Variants in CNTN6 observed in about 807,000 individuals in gnomAD.
CNTN6 encodes contactin-6.
In CNTN6, 137 loss-of-function variants were observed where a neutral mutation model predicts 122.8. That is an observed-to-expected ratio of 1.12 (90% CI 0.97 to 1.29). The LOEUF is 1.29. CNTN6 is among the 50% of genes most tolerant of loss of function. CNTN6 has a pLI of 0.00. For synonymous variants in CNTN6, 570 were observed against 426.0 expected (o/e 1.34, Z -4.16); for missense variants, 1,634 against 1,223.4 (o/e 1.34, Z -5.01).
chr3:1,172,341 C>T (rs2093371392), intron 2 of CNTN6, among the ~76,000 whole-genome samples: 1 of 152,088 alleles, frequency 6.6e-6, no homozygotes, highest in South Asian at 2.1e-4. Context: ...TATGTAACAG[C>T]AGTGTATCAC....
At chr3:1,337,377 T>A (rs181854741) in intron 11 of CNTN6, among the ~76,000 whole-genome samples, 20 of 152,182 alleles carry the variant, frequency 1.3e-4, no homozygotes, top group Non-Finnish European at 2.1e-4. Context: ...TTATTACTGT[T>A]CCTTTTGCTT....
At chr3:1,185,916 T>C (rs2093622649) in intron 2 of CNTN6, among the ~76,000 whole-genome samples, 1 of 152,194 alleles carries the variant, frequency 6.6e-6, no homozygotes, top group Non-Finnish European at 1.5e-5. Context: ...TAGAGACAGA[T>C]GTATTCTTAA....
chr3:1,267,409 T>C (rs1280604690), intron 4 of CNTN6, among the ~76,000 whole-genome samples: 1 of 152,136 alleles, frequency 6.6e-6, no homozygotes, highest in Non-Finnish European at 1.5e-5. Context: ...TGTATATTTA[T>C]GAAATGGGAG....
intron 11 of CNTN6, 143 bp downstream of exon 11, chr3:1,330,078 T>A (rs1403919397): frequency 1.9e-6 from 1 of 521,792 alleles, no homozygotes; most frequent in South Asian, 5.9e-5. Context: ...ATTCTTCTCA[T>A]CATAGTAAAA....
At chr3:1,141,747 C>G (rs1382224422) in intron 1 of CNTN6, among the ~76,000 whole-genome samples, 2 of 152,066 alleles carry the variant, frequency 1.3e-5, no homozygotes, top group African/African-American at 4.8e-5. Context: ...CAGAATTGGA[C>G]AAGAATAATT....
intron 7 of CNTN6, among the ~76,000 whole-genome samples, chr3:1,305,505 A>C (rs970352598): frequency 6.6e-6 from 1 of 152,190 alleles, no homozygotes. Context: ...AAATACCCTG[A>C]GAAGCTCCTT....
intron 4 of CNTN6, among the ~76,000 whole-genome samples, chr3:1,259,189 C>T (rs2094806042): frequency 6.6e-6 from 1 of 152,016 alleles, no homozygotes; most frequent in Admixed American, 6.6e-5. Context: ...TCTCATTTCT[C>T]ATATTATTTA....
At chr3:1,384,764 TATATACAC>T (rs1692558097) in intron 19 of CNTN6, among the ~76,000 whole-genome samples, 2 of 119,470 alleles carry the variant, frequency 1.7e-5, no homozygotes, top group South Asian at 5.1e-4. Context: ...TATATACATA[TATATACAC>T]ATATATATAT....
chr3:1,356,150 TCAC>T (rs1706518698), intron 12 of CNTN6, among the ~76,000 whole-genome samples: 2 of 151,718 alleles, frequency 1.3e-5, no homozygotes, highest in Admixed American at 1.3e-4. Context: ...TATATGAAAA[TCAC>T]ATAAAAGGAG....
chr3:1,275,176 G>A (rs7647469), intron 4 of CNTN6, among the ~76,000 whole-genome samples: 99,506 of 151,946 alleles, frequency 0.65, 33,257 homozygotes, highest in Non-Finnish European at 0.71. Flanking sequence ...TGAATCGTCA[G>A]TCTCTTTCCT....
chr3:1,378,876 A>C (rs957228289), intron 17 of CNTN6, among the ~76,000 whole-genome samples: 9 of 152,138 alleles, frequency 5.9e-5, no homozygotes, highest in Non-Finnish European at 2.9e-5. Flanking sequence ...GAGTATATCT[A>C]CCTTAAGTAG....
chr3:1,250,285 AG>A (rs2094643413), intron 4 of CNTN6, among the ~76,000 whole-genome samples: 1 of 152,218 alleles, frequency 6.6e-6, no homozygotes, highest in African/African-American at 2.4e-5. Context: ...GGCATTTCAA[AG>A]CATGTCCCAG....
chr3:1,378,344 T>A (rs1197717267), intron 17 of CNTN6, among the ~76,000 whole-genome samples: 1 of 152,188 alleles, frequency 6.6e-6, no homozygotes, highest in African/African-American at 2.4e-5. Flanking sequence ...GCAAACCAGG[T>A]GTTTCTTGCT....
intron 12 of CNTN6, among the ~76,000 whole-genome samples, chr3:1,366,306 G>A (rs939023666): frequency 6.6e-6 from 1 of 152,122 alleles, no homozygotes; most frequent in Non-Finnish European, 1.5e-5. Context: ...ATAGAGTCTA[G>A]CGTAGTCAAC....
chr3:1,269,656 A>C (rs1575494357), intron 4 of CNTN6, among the ~76,000 whole-genome samples: 1 of 152,232 alleles, frequency 6.6e-6, no homozygotes, highest in East Asian at 1.9e-4. Flanking sequence ...ATATTATCAT[A>C]GACCAATTAC....
At chr3:1,107,217 A>G (rs2091268244) in intron 1 of CNTN6, among the ~76,000 whole-genome samples, 1 of 152,136 alleles carries the variant, frequency 6.6e-6, no homozygotes, top group Non-Finnish European at 1.5e-5. Flanking sequence ...CTAGTAAGAG[A>G]AATTCAGTTG....
In CNTN6 at chr3:1,385,772, A is replaced by T. The variant is rs748249382; in HGVS notation, c.2679A>T (p.Pro893=). The change falls in exon 20 of 23, where the codon CCA becomes CCT. Residue 893 remains proline (P), a synonymous_variant. Coordinates refer to ENST00000446702, the MANE Select transcript of CNTN6 (RefSeq NM_001289080.2). The part of the protein sequence containing the change: ...NTAGTGPSSP[P]VNVTTKKSPP... ...CTGGGACAGGGCCCTCAAGCCCCCC[A>T]GTCAATGTTACCACCAAAAAGTCTC... The T allele has an allele frequency of 6.2e-7, 1 of 1,611,338 alleles. No homozygotes were observed.
intron 2 of CNTN6, among the ~76,000 whole-genome samples, chr3:1,187,692 C>T (rs765480728): frequency 2.0e-5 from 3 of 152,156 alleles, no homozygotes; most frequent in African/African-American, 4.8e-5. Flanking sequence ...AAAATGCAAA[C>T]GCAGGACCTC....
At chr3:1,332,625 C>T (rs1220581659) in intron 11 of CNTN6, among the ~76,000 whole-genome samples, 5 of 151,802 alleles carry the variant, frequency 3.3e-5, no homozygotes, top group South Asian at 2.1e-4. Context: ...TTACTATAGA[C>T]GTGGTGTGAT....
Sources: gnomAD v4.1 joint callset for allele counts (sites outside exome capture counted in the v4.1 genomes callset) on GRCh38, gnomAD v4.1.1 for gene constraint, MANE v1.5 for transcripts, NCBI Gene and HGNC (gene_info 2026-07-23, HGNC 2026-07-21) for gene names.